DLG5: variants seen among roughly 807,000 people sequenced by gnomAD.
The protein encoded by DLG5 is discs large MAGUK scaffold protein 5.
In DLG5, 48 loss-of-function variants were observed where a neutral mutation model predicts 189.8. That is an observed-to-expected ratio of 0.25 (90% confidence interval 0.20 to 0.32). The LOEUF (loss-of-function observed/expected upper bound fraction) is 0.32. Among genes scored for constraint, DLG5 ranks in the 10% least tolerant of loss-of-function variants. The probability of loss-of-function intolerance (pLI) is 1.00; values close to 1 mark genes in which losing one functional copy is unlikely to be tolerated. For missense variants in DLG5, 2,160 were observed against 2,544.7 expected (o/e 0.85, Z 3.25); for synonymous variants, 1,016 against 1,054.1 (o/e 0.96, Z 0.70).
chr10:77,907,271 G>A (rs1846094560), intron 1 of DLG5, among the ~76,000 whole-genome samples: 3 of 152,044 alleles, frequency 2.0e-5, no homozygotes, highest in African/African-American at 7.3e-5. Context: ...CATGGAACTG[G>A]GACAATCATA....
At position 77,800,534 on chromosome 10, in the gene DLG5, G is replaced by A. The variant is rs112982674; in HGVS notation, c.5165-3940C>T. 1.3e-3 allele frequency among the ~76,000 whole-genome samples: 196 copies of A among 151,654 alleles called. 1 individual carries two copies. Among genetic ancestry groups the A allele is most frequent in the African/African-American group, 3.8e-3 (155 of 41,270 alleles). On this transcript the variant is annotated intron_variant, in intron 27 of 31. Coordinates refer to ENST00000372391, the MANE Select transcript of DLG5 (RefSeq NM_004747.4). The stretch of plus-strand genomic sequence containing the variant: ...CTGAGAACCCAGGCACGGGGCCGCC[G>A]CTGAGGGGCTGAGAACCCAGGCACG...
At position 77,796,475 on chromosome 10, in the gene DLG5, C is replaced by T; in HGVS notation, c.5284G>A (p.Gly1762Ser). ...CCAAGGGGACATCTGCAGAACTTGC[C>T]AGGAGCCTCATTCACCAGCATCTCC... ...VKEMLVNEAP[G>S]KFCRCPLEVM... The change falls in exon 28 of 32, where the codon GGC (glycine) becomes AGC (serine). Residue 1762 changes from glycine (G) to serine (S), a missense_variant. Physicochemically the swap from Gly to Ser is moderately conservative, Grantham distance 56 (BLOSUM62 0). Around this residue, in one of 5 missense-constraint regions of DLG5, gnomAD observed 574 missense variants for 644.2 expected, o/e 0.89. Coordinates refer to ENST00000372391, the MANE Select transcript of DLG5 (RefSeq NM_004747.4). This position sits in a 1 kb window ranked among gnomAD's most constrained non-coding sequence, Gnocchi z 5.2. 1 of 1,614,196 alleles carries T rather than the reference C, an allele frequency of 6.2e-7. No homozygotes were observed. Among genetic ancestry groups the T allele is most frequent in the Non-Finnish European group, 8.5e-7 (1 of 1,180,036 alleles).
intron 24 of DLG5, among the ~76,000 whole-genome samples, chr10:77,808,842 C>G (rs1260452650): frequency 6.6e-6 from 1 of 152,218 alleles, no homozygotes; most frequent in Non-Finnish European, 1.5e-5. Flanking sequence ...CGCCTGTAAT[C>G]CCTGTACTTT....
chr10:77,833,689 A>G (rs369681147), intron 9 of DLG5, among the ~76,000 whole-genome samples: 3 of 152,200 alleles, frequency 2.0e-5, no homozygotes, highest in East Asian at 1.9e-4. Context: ...GTGTCTAAGA[A>G]TTTTTGGCCT....
chr10:77,804,199 T>C (rs1457864302), intron 27 of DLG5, among the ~76,000 whole-genome samples: 1 of 152,188 alleles, frequency 6.6e-6, no homozygotes, highest in Non-Finnish European at 1.5e-5. Context: ...GCCTAAACTT[T>C]TTCTATAAGG....
rs7096117 is a variant in DLG5, at chr10:77,796,609, G to A, written c.5165-15C>T. 9,604 of 1,613,478 alleles carry A rather than the reference G, an allele frequency of 6.0e-3. 494 individuals are homozygous for A. The African/African-American group carries it at 0.11, about 19-fold the overall frequency. On this transcript the variant is annotated splice_polypyrimidine_tract_variant and intron_variant, in intron 27 of 31. Coordinates refer to ENST00000372391, the MANE Select transcript of DLG5 (RefSeq NM_004747.4). This position sits in a 1 kb window ranked among gnomAD's most constrained non-coding sequence, Gnocchi z 5.2. ...GCTCACCGAATCTGAGGGAGAGAGA[G>A]CAGCAGCGTCACGGACCCAGCTTGG...
intron 5 of DLG5, among the ~76,000 whole-genome samples, chr10:77,843,919 T>G (rs1192730589): frequency 2.0e-5 from 3 of 152,146 alleles, no homozygotes; most frequent in African/African-American, 7.2e-5. Context: ...GTCACAACTA[T>G]TTACTAAGTA....
intron 31 of DLG5, chr10:77,792,950 CA>C (rs1016020685): frequency 7.0e-5 from 16 of 227,914 alleles, no homozygotes; most frequent in Non-Finnish European, 1.4e-4. Flanking sequence ...CAACTTGGGC[CA>C]GCCCTGTACT....
At chr10:77,806,676 C>A (rs532356408) in intron 26 of DLG5, 82 bp downstream of exon 26, 3 of 1,492,168 alleles carry the variant, frequency 2.0e-6, no homozygotes, top group Non-Finnish European at 1.8e-6. Flanking sequence ...CTGGCCCCAG[C>A]CCCCTCCCAT....
rs1476581412 is a variant in DLG5 at position 77,807,846 on chromosome 10, A to T, written c.4746T>A (p.Pro1582=). ...GGCCCTTGGCCTTCGTGAACTCCTC[A>T]GGGCGGTACTGCACCTTCAGGCGGA... The part of the protein sequence containing the change: ...DGVRLKVQYR[P]EEFTKAKGLP... The change falls in exon 25 of 32, where the codon CCT becomes CCA. Residue 1582 remains proline (P), a synonymous_variant. Transcript: ENST00000372391. The T allele has an allele frequency of 6.2e-7, 1 of 1,614,190 alleles. No homozygotes were observed. The highest frequency in any genetic ancestry group is 2.2e-5 in the East Asian group (1 of 44,884).
chr10:77,798,433 A>C (rs752409842), intron 27 of DLG5, among the ~76,000 whole-genome samples: 3 of 151,942 alleles, frequency 2.0e-5, no homozygotes, highest in Non-Finnish European at 2.9e-5. Flanking sequence ...AACAAATCTG[A>C]ACCTCACGGA....
intron 1 of DLG5, among the ~76,000 whole-genome samples, chr10:77,877,302 C>CTT (rs71030913): frequency 2.2e-4 from 32 of 146,608 alleles, no homozygotes; most frequent in Non-Finnish European, 2.9e-4. Context: ...TTTTTCTTTA[C>CTT]TTTTTTTTTT....
At chr10:77,908,714 C>T (rs564711938) in intron 1 of DLG5, among the ~76,000 whole-genome samples, 2 of 152,276 alleles carry the variant, frequency 1.3e-5, no homozygotes, top group South Asian at 2.1e-4. Context: ...CTTCAAGCAG[C>T]CTCACCTGTC....
In DLG5 at chr10:77,828,957, C is replaced by T. The variant is rs1842776386; in HGVS notation, c.2214G>A (p.Val738=). 1.2e-6 allele frequency: 2 copies of T among 1,614,134 alleles called. No individual in the cohort carries two copies. The highest frequency in any genetic ancestry group is 1.7e-6 in the Non-Finnish European group (2 of 1,180,022). Residue 738 remains valine (V), a synonymous_variant, in exon 13 of 32, where the codon GTG becomes GTA. Coordinates refer to ENST00000372391, the MANE Select transcript of DLG5 (RefSeq NM_004747.4). ...TTCCAGGCAGCACAGCGGCAGCATA[C>T]ACTCCATTCTCCAGACTGATGCCAC... The part of the protein sequence containing the change: ...KDSGISLENG[V]YAAAVLPGSP...
chr10:77,825,629 C>T lies in DLG5; in HGVS notation c.2290-1153G>A, dbSNP rs577413529. Among the ~76,000 whole-genome samples the T allele has an allele frequency of 3.6e-4, 54 of 151,774 alleles. No homozygotes were observed. The East Asian group carries it at 8.9e-3, about 25-fold the overall frequency. ...GAAGTGCAGAGGCATGATCTCGGCT[C>T]GCTGCAACCTCCGCCTCCCAGGTTC... On this transcript the variant is annotated intron_variant, in intron 13 of 31. Coordinates refer to ENST00000372391, the MANE Select transcript of DLG5 (RefSeq NM_004747.4).
At chr10:77,933,021 T>C in the DLG5 span, among the ~76,000 whole-genome samples, 3 of 152,206 alleles carry the variant, frequency 2.0e-5, no homozygotes, top group African/African-American at 2.4e-5. Flanking sequence ...AAGGCAAATA[T>C]AGCCCTGAGG....
intron 2 of DLG5, among the ~76,000 whole-genome samples, chr10:77,864,734 C>A (rs1249671636): frequency 1.3e-5 from 2 of 152,252 alleles, no homozygotes; most frequent in African/African-American, 4.8e-5. Context: ...TACTGGCTAT[C>A]CAGCAGCCAC....
upstream of DLG5, chr10:77,927,090 C>T: frequency 5.5e-6 from 1 of 181,284 alleles, no homozygotes; most frequent in Non-Finnish European, 1.1e-5. Flanking sequence ...GTGGCCACAG[C>T]CCCGCCGCCG....
At chr10:77,892,228 C>T (rs1429319851) in intron 1 of DLG5, among the ~76,000 whole-genome samples, 1 of 152,224 alleles carries the variant, frequency 6.6e-6, no homozygotes, top group Non-Finnish European at 1.5e-5. Flanking sequence ...CCCTCCCTAC[C>T]TCGTGACCCA....
Sources: allele counts gnomAD v4.1 joint callset (sites outside exome capture counted in the v4.1 genomes callset), GRCh38; gene constraint gnomAD v4.1.1; regional missense constraint gnomAD v4.1.1; non-coding constraint Gnocchi (gnomAD v3.1); transcripts MANE v1.5; gene names NCBI Gene and HGNC (gene_info 2026-07-23, HGNC 2026-07-21).